The following SLC9A8 variants were observed in gnomAD, a reference collection of about 807,000 sequenced individuals.
The protein encoded by SLC9A8 is solute carrier family 9 member A8, also known as sodium/hydrogen exchanger 8.
SLC9A8 carries 48 observed loss-of-function variants against 66.6 expected under a neutral mutation model. The observed-to-expected ratio is 0.72, with a 90% confidence interval of 0.57 to 0.92. SLC9A8 has a LOEUF of 0.92. Among genes scored for constraint, SLC9A8 ranks in the 40% least tolerant of loss-of-function variants. The probability of loss-of-function intolerance (pLI) is 0.00; values close to 1 mark genes in which losing one functional copy is unlikely to be tolerated. For missense variants in SLC9A8, 599 were observed against 747.3 expected (o/e 0.80, Z 2.31); for synonymous variants, 274 against 282.6 (o/e 0.97, Z 0.31).
At chr20:49,849,716 TA>T in intron 6 of SLC9A8, 36 bp downstream of exon 6, 2 of 1,517,012 alleles carry the variant, frequency 1.3e-6, no homozygotes, top group Non-Finnish European at 1.8e-6. Flanking sequence ...TTGAAAGTCT[TA>T]CATTCTTAGA....
intron 10 of SLC9A8, among the ~76,000 whole-genome samples, chr20:49,870,493 T>C (rs1316511717): frequency 6.6e-6 from 1 of 152,108 alleles, no homozygotes; most frequent in Non-Finnish European, 1.5e-5. Flanking sequence ...TGAAGATAGA[T>C]GTGCGGGAGT....
At chr20:49,828,399 T>A (rs916070219) in intron 3 of SLC9A8, among the ~76,000 whole-genome samples, 2 of 151,552 alleles carry the variant, frequency 1.3e-5, no homozygotes, top group Non-Finnish European at 2.9e-5. Context: ...ATATATATAT[T>A]TTTTAGTAGA....
At position 49,845,520 on chromosome 20, in the gene SLC9A8, C is replaced by A. The variant is rs190432072; in HGVS notation, c.432+401C>A. Among the ~76,000 whole-genome samples the A allele has an allele frequency of 1.3e-3, 205 of 152,276 alleles. 1 individual carries two copies. Among genetic ancestry groups the A allele is most frequent in the Middle Eastern group, 6.8e-3 (2 of 294 alleles). On this transcript the variant is annotated intron_variant, in intron 5 of 15. Transcript: ENST00000361573. Reference sequence around the variant, plus strand: ...CCAGGACTTTTGTTTCTTTCAGCTCCCCCACTGGGGCCTTTCTAACCTTCT... The same window carrying A: ...CCAGGACTTTTGTTTCTTTCAGCTCACCCACTGGGGCCTTTCTAACCTTCT...
In SLC9A8 at chr20:49,874,897, C is replaced by T; in HGVS notation, c.1075+76C>T. 7.0e-6 allele frequency: 7 copies of T among 1,000,870 alleles called. No individual in the cohort carries two copies. In the South Asian group the frequency reaches 8.9e-5, roughly 13 times the overall value. The allele number at this position is 1,000,870 out of a possible 1,614,324, so 62.0% of individuals were successfully genotyped here. On this transcript the variant is annotated intron_variant, in intron 11 of 15. Coordinates refer to ENST00000361573, the MANE Select transcript of SLC9A8 (RefSeq NM_015266.3). ...TGCTTCCTTATCCTGTTTGAGAAGT[C>T]AGTTGAGACTTTCCCTGGCAGCAGG...
intron 8 of SLC9A8, among the ~76,000 whole-genome samples, chr20:49,856,815 C>T (rs1417001649): frequency 3.6e-5 from 5 of 138,656 alleles, no homozygotes; most frequent in African/African-American, 9.2e-5. Context: ...AGCGAGACTC[C>T]GTCTCAAAAA....
intron 8 of SLC9A8, among the ~76,000 whole-genome samples, chr20:49,856,282 C>T (rs937489944): frequency 6.6e-6 from 1 of 152,092 alleles, no homozygotes; most frequent in Non-Finnish European, 1.5e-5. Context: ...GCGGCCTGTT[C>T]AGGGGTCAGT....
chr20:49,838,050 A>G (rs1378227374), intron 3 of SLC9A8, among the ~76,000 whole-genome samples: 2 of 148,166 alleles, frequency 1.3e-5, no homozygotes, highest in African/African-American at 5.0e-5. Context: ...TGTGCCATGC[A>G]TACACTTACA....
In SLC9A8 at chr20:49,882,707, T is replaced by A. The variant is rs538617918; in HGVS notation, c.1271-1139T>A. On this transcript the variant is annotated intron_variant, in intron 13 of 15. Transcript: ENST00000361573. ...TGCATCCCCCTTGCCCAAGAAATCC[T>A]ACTTTGAATTGCCCGGTGGCCTGGC... Among the ~76,000 whole-genome samples the A allele has an allele frequency of 9.8e-5, 15 of 152,344 alleles. No individual in the cohort carries two copies. The South Asian group carries it at 3.1e-3, about 32-fold the overall frequency.
At chr20:49,874,167 TC>T (rs2089328502) in intron 10 of SLC9A8, among the ~76,000 whole-genome samples, 1 of 150,332 alleles carries the variant, frequency 6.7e-6, no homozygotes, top group South Asian at 2.1e-4. Context: ...GGCAGGAGGA[TC>T]ACATAAACCT....
At chr20:49,822,652 T>C (rs1353229647) in intron 2 of SLC9A8, among the ~76,000 whole-genome samples, 2 of 152,114 alleles carry the variant, frequency 1.3e-5, no homozygotes, top group East Asian at 3.9e-4. Flanking sequence ...TTGGGTGTGG[T>C]GTCATGTGTC....
intron 3 of SLC9A8, chr20:49,830,610 A>G: frequency 1.6e-6 from 1 of 615,838 alleles, no homozygotes; most frequent in Non-Finnish European, 2.9e-6. Flanking sequence ...GCAGCTTTCT[A>G]ATCACAGAAT....
chr20:49,843,851 A>G (rs1477659410), intron 4 of SLC9A8, among the ~76,000 whole-genome samples: 1 of 152,114 alleles, frequency 6.6e-6, no homozygotes, highest in East Asian at 1.9e-4. Context: ...GTGGACCCTC[A>G]TGGATAGACT....
intron 3 of SLC9A8, among the ~76,000 whole-genome samples, chr20:49,827,134 G>T (rs1268004561): frequency 6.6e-6 from 1 of 151,288 alleles, no homozygotes; most frequent in East Asian, 2.0e-4. Flanking sequence ...TGGAGACAGG[G>T]TTTCACCATG....
At chr20:49,823,022 T>TG in intron 2 of SLC9A8, 39 bp from the exon 3 acceptor site, 1 of 1,507,428 alleles carries the variant, frequency 6.6e-7, no homozygotes, top group Middle Eastern at 1.9e-4. Flanking sequence ...CAGAATTGAG[T>TG]GTTTTTTTTA....
rs1600790805 is a variant in SLC9A8 at position 49,874,618 on chromosome 20, T to A, written c.959-87T>A. On this transcript the variant is annotated intron_variant, in intron 10 of 15. Transcript: ENST00000361573. ...TCCTTTTTCTTAAACCCTCTAATGCTCTAGGCCCCAGGGCCTTGCAGGCAT... is the reference window on the plus strand; with the variant it reads ...TCCTTTTTCTTAAACCCTCTAATGCACTAGGCCCCAGGGCCTTGCAGGCAT... 11 of 862,434 alleles carry A rather than the reference T, an allele frequency of 1.3e-5. No individual in the cohort carries two copies. The East Asian group carries it at 2.7e-4, about 21-fold the overall frequency. The allele number at this position is 862,434 out of a possible 1,614,324, so 53.4% of individuals were successfully genotyped here. A position where few individuals can be genotyped will look rare whatever the true frequency, so the allele number is the denominator to read the frequency against.
At chr20:49,875,053 TAGTG>T (rs767687960) in intron 11 of SLC9A8, among the ~76,000 whole-genome samples, 5 of 152,086 alleles carry the variant, frequency 3.3e-5, no homozygotes, top group East Asian at 1.9e-4. Flanking sequence ...AGACCAAAAA[TAGTG>T]AGAACCAATT....
At position 49,815,005 on chromosome 20, in the gene SLC9A8, C is replaced by T. The variant is rs1286540646; in HGVS notation, c.27-3C>T. 6.5e-7 allele frequency: 1 copy of T among 1,541,954 alleles called. No homozygotes were observed. The highest frequency in any genetic ancestry group is 8.8e-7 in the Non-Finnish European group (1 of 1,138,668). On this transcript the variant is annotated splice_polypyrimidine_tract_variant and splice_region_variant and intron_variant, in intron 1 of 15. Transcript: ENST00000361573. ...ATCTAATTATGCTTTCTATGTCCTC[C>T]AGGAGGTTCCCCAATACAACTCATG...
intron 3 of SLC9A8, among the ~76,000 whole-genome samples, chr20:49,831,841 G>A (rs2087212598): frequency 6.6e-6 from 1 of 152,210 alleles, no homozygotes; most frequent in African/African-American, 2.4e-5. Context: ...CAGGGAGTAT[G>A]GTGAGCATCT....
chr20:49,867,232 T>G (rs2089008727), intron 10 of SLC9A8, among the ~76,000 whole-genome samples: 1 of 152,248 alleles, frequency 6.6e-6, no homozygotes, highest in Non-Finnish European at 1.5e-5. Context: ...TTTACGGAGT[T>G]CTGGACTTTT....
Sources: allele counts gnomAD v4.1 joint callset (sites outside exome capture counted in the v4.1 genomes callset), GRCh38; gene constraint gnomAD v4.1.1; transcripts MANE v1.5; gene names NCBI Gene and HGNC (gene_info 2026-07-23, HGNC 2026-07-21).